The following KPNA2 variants were observed in gnomAD, a reference collection of about 807,000 sequenced individuals.
KPNA2 encodes the protein importin subunit alpha-1.
A neutral mutation model predicts 53.7 loss-of-function variants in KPNA2; 20 were observed. The ratio of observed to expected loss-of-function variants is 0.37; its 90% CI spans 0.26 to 0.54. The LOEUF is 0.54. Among genes scored for constraint, KPNA2 ranks in the 20% least tolerant of loss-of-function variants. The probability of loss-of-function intolerance (pLI) is 0.83; values close to 1 mark genes in which losing one functional copy is unlikely to be tolerated. For synonymous variants in KPNA2, 238 were observed against 227.5 expected, an observed-to-expected ratio of 1.05 and a Z score of -0.42; for missense variants, 515 against 640.3, an observed-to-expected ratio of 0.80 and a Z score of 2.11.
At chr17:68,036,392 A>G (rs1270427757) in intron 1 of KPNA2, 2 of 152,290 alleles carry the variant, frequency 1.3e-5, no homozygotes, top group Non-Finnish European at 2.9e-5. Flanking sequence ...CAAATCAAAT[A>G]TGCGAGATGC....
intron 2 of KPNA2, 50 bp from the exon 3 acceptor site, chr17:68,037,307 AG>A: frequency 6.3e-7 from 1 of 1,592,260 alleles, no homozygotes; most frequent in Non-Finnish European, 8.5e-7. Flanking sequence ...GCCCTCACTT[AG>A]CAACAAAAAC....
intron 1 of KPNA2, 113 bp from the exon 2 acceptor site, chr17:68,036,997 C>T (rs578220083): frequency 1.3e-6 from 1 of 753,530 alleles, no homozygotes; most frequent in East Asian, 2.5e-5. Flanking sequence ...GATCCCCCCT[C>T]TAGTATACAG....
In KPNA2 at chr17:68,042,901, TC is replaced by T; in HGVS notation, c.572-3del. ...AAAAAAATTAATCTTGCCTTTTTTT[TC>T]AGGTGATGGCTCAGTGTTCCGAGAC... On this transcript the variant is annotated splice_polypyrimidine_tract_variant and splice_region_variant and intron_variant, in intron 5 of 10. Transcript: ENST00000330459. The T allele has an allele frequency of 1.3e-6, 2 of 1,593,470 alleles. No homozygotes were observed. Among genetic ancestry groups the T allele is most frequent in the East Asian group, 2.2e-5 (1 of 44,776 alleles).
At position 68,042,952 on chromosome 17, in the gene KPNA2, G is replaced by C; in HGVS notation, c.619G>C (p.Asp207His). ...RDLVIKYGAV[D>H]PLLALLAVPD... ...CTTGGTTATTAAGTACGGTGCAGTTGACCCACTGTTGGCTCTCCTTGCAGT... is the reference window on the plus strand; with the variant it reads ...CTTGGTTATTAAGTACGGTGCAGTTCACCCACTGTTGGCTCTCCTTGCAGT... Residue 207 changes from aspartate (D) to histidine (H), a missense_variant, in exon 6 of 11, where the codon GAC (aspartate) becomes CAC (histidine). By Grantham distance (81) the Asp-to-His change is moderately conservative (BLOSUM62 -1). Transcript: ENST00000330459. 1 of 1,613,030 alleles carries C rather than the reference G, an allele frequency of 6.2e-7. No individual in the cohort carries two copies. The highest frequency in any genetic ancestry group is 8.5e-7 in the Non-Finnish European group (1 of 1,179,840).
Position 68,046,684 on chromosome 17 carries a change from G to T in KPNA2, c.*88G>T. On this transcript the variant is annotated 3_prime_UTR_variant, in exon 11 of 11. Transcript: ENST00000330459. Reference sequence around the variant, plus strand: ...CTACTAAGAACTCTTTCTTAAATGTGGTTTGTTACTGTAGCACTTTTTACA... The same window carrying T: ...CTACTAAGAACTCTTTCTTAAATGTTGTTTGTTACTGTAGCACTTTTTACA... The T allele has an allele frequency of 1.2e-6, 1 of 848,388 alleles. No individual in the cohort carries two copies. The highest frequency in any genetic ancestry group is 2.0e-6 in the Non-Finnish European group (1 of 506,712). The allele number at this position is 848,388 out of a possible 1,614,324, so 52.6% of individuals were successfully genotyped here.
intron 9 of KPNA2, 102 bp from the exon 10 acceptor site, chr17:68,045,670 C>G: frequency 1.2e-6 from 1 of 856,910 alleles, no homozygotes. Flanking sequence ...TTGTTAGGTG[C>G]TTATTTCTGC....
At chr17:68,041,173 C>T (rs975898585) in intron 4 of KPNA2, among the ~76,000 whole-genome samples, 2 of 152,194 alleles carry the variant, frequency 1.3e-5, no homozygotes, top group African/African-American at 4.8e-5. Context: ...ACCTTTACCT[C>T]CCACTATACG....
intron 8 of KPNA2, 51 bp from the exon 9 acceptor site, chr17:68,044,270 T>C (rs781867250): frequency 6.6e-7 from 1 of 1,523,722 alleles, no homozygotes; most frequent in Admixed American, 1.9e-5. Flanking sequence ...ACTCTTGGAA[T>C]CTTATTTGTG....
In KPNA2 at chr17:68,042,102, A is replaced by G; in HGVS notation, c.320A>G (p.Glu107Gly). Residue 107 changes from glutamate (E) to glycine (G), a missense_variant, in exon 5 of 11, where the codon GAA becomes GGA. Transcript: ENST00000330459. Reference protein sequence around the residue: ...TQAARKLLSREKQPPIDNIIR... With the variant: ...TQAARKLLSRGKQPPIDNIIR... ...CCCTTTAGGAAACTACTTTCCAGAG[A>G]AAAACAGCCCCCCATAGACAACATA... is the stretch of plus-strand genomic sequence containing the variant. 6.2e-7 allele frequency: 1 copy of G among 1,612,804 alleles called. No homozygotes were observed. Among genetic ancestry groups the G allele is most frequent in the Non-Finnish European group, 8.5e-7 (1 of 1,178,904 alleles).
At chr17:68,046,085 A>G (rs1271032625) in intron 10 of KPNA2, among the ~76,000 whole-genome samples, 164 bp downstream of exon 10, 1 of 152,172 alleles carries the variant, frequency 6.6e-6, no homozygotes, top group Admixed American at 6.6e-5. Flanking sequence ...GTTTGGCTTG[A>G]TGGTAATAAA....
chr17:68,040,260 ATTT>A (rs782418464), intron 3 of KPNA2, among the ~76,000 whole-genome samples: 21 of 117,966 alleles, frequency 1.8e-4, no homozygotes, highest in African/African-American at 3.0e-4. Flanking sequence ...ATGCCTGGAT[ATTT>A]TTTTTTTTTT....
chr17:68,040,588 A>G lies in KPNA2; in HGVS notation c.214-90A>G, dbSNP rs1317327353. On this transcript the variant is annotated intron_variant, in intron 3 of 10. Transcript: ENST00000330459. The stretch of plus-strand genomic sequence containing the variant: ...TTAGTAGCTGGCTATAAGCCTAACG[A>G]TGTTTACACTTGCCTTCACAAGTAA... 1.9e-5 allele frequency: 16 copies of G among 826,150 alleles called. No homozygotes were observed. The African/African-American group carries it at 2.7e-4, about 14-fold the overall frequency. 51.2% of individuals were successfully genotyped at this position (826,150 alleles called of 1,614,324 possible). A position where few individuals can be genotyped will look rare whatever the true frequency, so the allele number is the denominator to read the frequency against.
At chr17:68,039,706 G>A (rs1324982155) in intron 3 of KPNA2, among the ~76,000 whole-genome samples, 1 of 151,718 alleles carries the variant, frequency 6.6e-6, no homozygotes, top group Non-Finnish European at 1.5e-5. Context: ...CTTGAACCCG[G>A]GAGGTGGAGG....
At chr17:68,037,662 T>C (rs782653910) in intron 3 of KPNA2, among the ~76,000 whole-genome samples, 167 bp downstream of exon 3, 3 of 152,246 alleles carry the variant, frequency 2.0e-5, no homozygotes, top group Non-Finnish European at 4.4e-5. Flanking sequence ...TCCTGCCTTC[T>C]GTAATCCACT....
At chr17:68,039,037 C>A (rs2071222315) in intron 3 of KPNA2, among the ~76,000 whole-genome samples, 1 of 152,108 alleles carries the variant, frequency 6.6e-6, no homozygotes, top group Admixed American at 6.6e-5. Context: ...TCTATGAAGG[C>A]CTTCCATAAA....
intron 3 of KPNA2, among the ~76,000 whole-genome samples, chr17:68,038,844 C>T (rs2071220216): frequency 1.3e-5 from 2 of 152,084 alleles, no homozygotes; most frequent in South Asian, 2.1e-4. Context: ...ATAGGAAGAC[C>T]TCGTCTCTAT....
chr17:68,036,139 G>A (rs913522308), intron 1 of KPNA2: 5 of 152,334 alleles, frequency 3.3e-5, no homozygotes, highest in African/African-American at 1.2e-4. Context: ...GGCGGCCCTG[G>A]TTTCGCCTCC....
At chr17:68,043,029 ACTT>A (rs1555704842) in intron 6 of KPNA2, 30 bp downstream of exon 6, 3 of 1,610,798 alleles carry the variant, frequency 1.9e-6, no homozygotes, top group African/African-American at 2.7e-5. Context: ...AAAGTTACTC[ACTT>A]CTTCATTCTA....
chr17:68,042,469 T>C lies in KPNA2; in HGVS notation c.571+116T>C, dbSNP rs897721446. 31 of 1,100,696 alleles carry C rather than the reference T, an allele frequency of 2.8e-5. 1 individual carries two copies. Among genetic ancestry groups the C allele is most frequent in the African/African-American group, 1.6e-5 (1 of 63,858 alleles). The allele number at this position is 1,100,696 out of a possible 1,614,324, so 68.2% of individuals were successfully genotyped here. A position where few individuals can be genotyped will look rare whatever the true frequency, so the allele number is the denominator to read the frequency against. Reference sequence around the variant, plus strand: ...AGTTTTGAGCTTGCTTTCAAGCCCTTATTAGGAATGAAAGTGTCGTCTTTA... The same window carrying C: ...AGTTTTGAGCTTGCTTTCAAGCCCTCATTAGGAATGAAAGTGTCGTCTTTA... On this transcript the variant is annotated intron_variant, in intron 5 of 10. Coordinates refer to ENST00000330459, the MANE Select transcript of KPNA2 (RefSeq NM_002266.4).
Sources: gnomAD v4.1 joint callset for allele counts (sites outside exome capture counted in the v4.1 genomes callset) on GRCh38, gnomAD v4.1.1 for gene constraint, MANE v1.5 for transcripts, NCBI Gene and HGNC (gene_info 2026-07-23, HGNC 2026-07-21) for gene names.